The following MALL variants were observed in gnomAD, a reference collection of about 807,000 sequenced individuals.
MALL encodes MAL-like protein.
A neutral mutation model predicts 10.3 loss-of-function variants in MALL; 2 were observed. That is an observed-to-expected ratio of 0.19 (90% CI 0.08 to 0.61). The LOEUF (loss-of-function observed/expected upper bound fraction) is 0.61. Among genes scored for constraint, MALL ranks in the 20% least tolerant of loss-of-function variants. MALL has a pLI of 0.88. For synonymous variants in MALL, 27 were observed against 51.8 expected (o/e 0.52, Z 2.05); for missense variants, 39 against 115.2 (o/e 0.34, Z 3.03).
intron 1 of MALL, among the ~76,000 whole-genome samples, chr2:110,114,976 G>C (rs1426335666): frequency 6.6e-6 from 1 of 152,062 alleles, no homozygotes; most frequent in Non-Finnish European, 1.5e-5. Flanking sequence ...CTGCAGATGG[G>C]AGCAGGCAGG....
intron 1 of MALL, among the ~76,000 whole-genome samples, chr2:110,105,910 G>T (rs1678677389): frequency 6.6e-6 from 1 of 152,152 alleles, no homozygotes; most frequent in Non-Finnish European, 1.5e-5. Flanking sequence ...AGTAGAAGCA[G>T]CAGCAGGTTG....
intron 1 of MALL, among the ~76,000 whole-genome samples, chr2:110,112,414 G>C (rs181360881): frequency 1.0e-3 from 152 of 152,174 alleles, no homozygotes; most frequent in Admixed American, 3.5e-3. Context: ...CCATCAAAAA[G>C]TGGGCCAAGG....
At chr2:110,103,265 G>A (rs1166960011) in intron 1 of MALL, among the ~76,000 whole-genome samples, 3 of 152,140 alleles carry the variant, frequency 2.0e-5, no homozygotes, top group African/African-American at 7.2e-5. Context: ...GCCTGTGTGG[G>A]GCCTGAGCAG....
intron 1 of MALL, among the ~76,000 whole-genome samples, chr2:110,098,752 C>T (rs1195823523): frequency 6.6e-6 from 1 of 152,154 alleles, no homozygotes; most frequent in African/African-American, 2.4e-5. Flanking sequence ...CACCTGTAAT[C>T]CCAGCACTTT....
upstream of MALL, among the ~76,000 whole-genome samples, chr2:110,116,735 C>T (rs1403157642): frequency 6.6e-6 from 1 of 152,212 alleles, no homozygotes; most frequent in African/African-American, 2.4e-5. Flanking sequence ...GTCCCAAAGG[C>T]TGAACCATTT....
At chr2:110,113,603 A>G (rs115254730) in intron 1 of MALL, among the ~76,000 whole-genome samples, 2,027 of 152,170 alleles carry the variant, frequency 0.013, 49 homozygotes, top group African/African-American at 0.046. Flanking sequence ...AAAGCACAAA[A>G]AAAGAAAAAA....
At chr2:110,092,702 TAA>T (rs1678397266) in intron 1 of MALL, among the ~76,000 whole-genome samples, 2 of 48,582 alleles carry the variant, frequency 4.1e-5, no homozygotes. Context: ...ACTTAAAGTA[TAA>T]TAATAATAAT....
At chr2:110,117,738 A>G (rs1455082553), upstream of MALL, among the ~76,000 whole-genome samples, 1 of 151,976 alleles carries the variant, frequency 6.6e-6, no homozygotes, top group Non-Finnish European at 1.5e-5. Flanking sequence ...CCTTTCTCAG[A>G]GTTCCAGGTA....
chr2:110,107,741 A>G (rs1397860620), intron 1 of MALL, among the ~76,000 whole-genome samples: 1 of 152,204 alleles, frequency 6.6e-6, no homozygotes, highest in Non-Finnish European at 1.5e-5. Flanking sequence ...CAGCACAAAA[A>G]TAGACCATTA....
At position 110,100,512 on chromosome 2, in the gene MALL, A is replaced by C. The variant is rs376527790; in HGVS notation, c.106-8742T>G. Among the ~76,000 whole-genome samples the C allele has an allele frequency of 6.6e-5, 10 of 152,080 alleles. No individual in the cohort carries two copies. In the East Asian group the frequency reaches 1.2e-3, roughly 18 times the overall value. Reference sequence around the variant, plus strand: ...AAAAACTTAAGCAGACTAGGATGTAAAGTTTAGGAGCGTTTTGTGTACAGG... The same window carrying C: ...AAAAACTTAAGCAGACTAGGATGTACAGTTTAGGAGCGTTTTGTGTACAGG... On this transcript the variant is annotated intron_variant, in intron 1 of 3. Coordinates refer to ENST00000272462, the MANE Select transcript of MALL (RefSeq NM_005434.5).
chr2:110,108,368 A>C (rs1678738051), intron 1 of MALL, among the ~76,000 whole-genome samples: 1 of 152,100 alleles, frequency 6.6e-6, no homozygotes, highest in Non-Finnish European at 1.5e-5. Flanking sequence ...GAAACTTTGG[A>C]CACACTTTTA....
At chr2:110,109,519 A>G (rs1678757984) in intron 1 of MALL, among the ~76,000 whole-genome samples, 1 of 152,164 alleles carries the variant, frequency 6.6e-6, no homozygotes, top group African/African-American at 2.4e-5. Flanking sequence ...CTAAACATAC[A>G]TGCTGCTAAC....
At chr2:110,098,167 C>G (rs1678485291) in intron 1 of MALL, among the ~76,000 whole-genome samples, 1 of 151,482 alleles carries the variant, frequency 6.6e-6, no homozygotes, top group East Asian at 1.9e-4. Context: ...CTGTTTAAGT[C>G]CAGGCTCTCT....
chr2:110,108,781 C>T (rs531466045), intron 1 of MALL, among the ~76,000 whole-genome samples: 1 of 152,304 alleles, frequency 6.6e-6, no homozygotes, highest in African/African-American at 2.4e-5. Context: ...CTCTTAAGAG[C>T]TGTGAGACAA....
chr2:110,097,164 A>T (rs1678461743), intron 1 of MALL, among the ~76,000 whole-genome samples: 1 of 151,874 alleles, frequency 6.6e-6, no homozygotes. Context: ...TTGTAAAGGC[A>T]CAGACCAGTG....
intron 1 of MALL, among the ~76,000 whole-genome samples, chr2:110,102,693 C>T (rs1678598607): frequency 1.3e-5 from 2 of 152,170 alleles, no homozygotes; most frequent in African/African-American, 4.8e-5. Flanking sequence ...GTATTTGTTT[C>T]ATCCTCACCT....
At chr2:110,117,635 G>A (rs1559035417), upstream of MALL, among the ~76,000 whole-genome samples, 1 of 138,202 alleles carries the variant, frequency 7.2e-6, no homozygotes, top group Non-Finnish European at 1.6e-5. Flanking sequence ...GAGAGAGAGA[G>A]AGAGAGAGAG....
At chr2:110,103,583 C>T (rs1002312052) in intron 1 of MALL, among the ~76,000 whole-genome samples, 3 of 152,198 alleles carry the variant, frequency 2.0e-5, no homozygotes, top group African/African-American at 7.2e-5. Flanking sequence ...CGGAGAGAGC[C>T]AGCACTTCTA....
intron 1 of MALL, among the ~76,000 whole-genome samples, chr2:110,110,043 T>C (rs1285090464): frequency 6.6e-6 from 1 of 152,066 alleles, no homozygotes; most frequent in Non-Finnish European, 1.5e-5. Flanking sequence ...ACACAACTTA[T>C]CAAAACCTCT....
Sources: allele counts gnomAD v4.1 joint callset (sites outside exome capture counted in the v4.1 genomes callset), GRCh38; gene constraint gnomAD v4.1.1; transcripts MANE v1.5; gene names NCBI Gene and HGNC (gene_info 2026-07-23, HGNC 2026-07-21).